CYP11B2: variants seen among roughly 807,000 people sequenced by gnomAD.
CYP11B2 encodes cytochrome P450 11B2, mitochondrial.
In CYP11B2, 38 loss-of-function variants were observed where a neutral mutation model predicts 49.3. The observed-to-expected ratio is 0.77, with a 90% confidence interval of 0.59 to 1.01. The LOEUF (loss-of-function observed/expected upper bound fraction) is 1.01. Among genes scored for constraint, CYP11B2 ranks in the 50% least tolerant of loss-of-function variants. The pLI, the probability that CYP11B2 is intolerant of heterozygous loss-of-function variation, is 0.00. For synonymous variants in CYP11B2, 290 were observed against 269.3 expected (o/e 1.08, Z -0.75); for missense variants, 669 against 655.5 (o/e 1.02, Z -0.23).
In CYP11B2 at chr8:142,917,799, G is replaced by A. The variant is rs1817676426; in HGVS notation, c.42C>T (p.Pro14=). 6.2e-7 allele frequency: 1 copy of A among 1,614,194 alleles called. No homozygotes were observed. The highest frequency in any genetic ancestry group is 2.2e-5 in the East Asian group (1 of 44,878). Residue 14 remains proline (P), a synonymous_variant, in exon 1 of 9, where the codon CCC becomes CCT. Transcript: ENST00000323110. ...CCCGTGCCCTTTGCAGGGACAGCCA[G>A]GGCGCTGCCACGCACACCTCTGCCT... ...RAKAEVCVAA[P]WLSLQRARAL...
At chr8:142,915,752 A>G (rs1461515309) in intron 2 of CYP11B2, among the ~76,000 whole-genome samples, 1 of 138,494 alleles carries the variant, frequency 7.2e-6, no homozygotes, top group Non-Finnish European at 1.7e-5. Flanking sequence ...TATCTTCTGC[A>G]GGACAGAAAC....
At chr8:142,912,365 A>C (rs1294347231) in intron 8 of CYP11B2, among the ~76,000 whole-genome samples, 165 bp downstream of exon 8, 1 of 151,846 alleles carries the variant, frequency 6.6e-6, no homozygotes, top group Non-Finnish European at 1.5e-5. Flanking sequence ...CCCAGATCCT[A>C]CCCTGTCTTG....
Position 142,914,235 on chromosome 8 carries a change from C to T in CYP11B2, c.954+29G>A, listed in dbSNP as rs192621134. 20 of 1,613,924 alleles carry T rather than the reference C, an allele frequency of 1.2e-5. 1 individual carries two copies. In the African/African-American group the frequency reaches 2.0e-4, roughly 16 times the overall value. On this transcript the variant is annotated intron_variant, in intron 5 of 8. Transcript: ENST00000323110. ...TGGGAGGCAGGCTTGGCATCACCCT[C>T]TCTGGGTGGGGCTGGTTGCTGGCCT... is the stretch of plus-strand genomic sequence containing the variant.
rs764792701 is a variant in CYP11B2, at chr8:142,912,665, C to A, written c.1263G>T (p.Glu421Asp). ...CTAGCCAGCGCTGGGGATTATACCG[C>A]TCAGGCCTCGGGAACAAGGCGGCAT... ...GRNAALFPRP[E>D]RYNPQRWLDI... is the part of the protein sequence containing the mutation. The change falls in exon 8 of 9, where the codon GAG (glutamate) becomes GAT (aspartate). Residue 421 changes from glutamate to aspartate, a missense_variant. Physicochemically the swap from Glu to Asp is conservative, Grantham distance 45 (BLOSUM62 2). Transcript: ENST00000323110. 8.1e-6 allele frequency: 13 copies of A among 1,614,086 alleles called. No homozygotes were observed. In the East Asian group the frequency reaches 1.1e-4, roughly 14 times the overall value.
At chr8:142,913,595 C>G in intron 5 of CYP11B2, 144 bp from the exon 6 acceptor site, 2 of 972,788 alleles carry the variant, frequency 2.1e-6, no homozygotes, top group Non-Finnish European at 3.2e-6. Context: ...GGATCTGAAA[C>G]CTTGATGACC....
In CYP11B2 at chr8:142,914,893, A is replaced by T. The variant is rs1817613384; in HGVS notation, c.611T>A (p.Leu204His). 1 of 1,613,820 alleles carries T rather than the reference A, an allele frequency of 6.2e-7. No individual in the cohort carries two copies. The highest frequency in any genetic ancestry group is 1.7e-5 in the Admixed American group (1 of 60,020). Residue 204 changes from leucine (L) to histidine (H), a missense_variant, in exon 4 of 9, where the codon CTT (leucine) becomes CAT (histidine). Transcript: ENST00000323110. Reference sequence around the variant, plus strand: ...AACCAGGCCCAGCCGCTCTCCAAAAAGAGCTAAGTTGCTGGCTGCGGGGAG... The same window carrying T: ...AACCAGGCCCAGCCGCTCTCCAAAATGAGCTAAGTTGCTGGCTGCGGGGAG... ...HYTIEASNLA[L>H]FGERLGLVGH...
rs761719100 is a variant in CYP11B2 at position 142,915,183 on chromosome 8, G to A, written c.458C>T (p.Ala153Val). 2.5e-6 allele frequency: 4 copies of A among 1,614,090 alleles called. No homozygotes were observed. The highest frequency in any genetic ancestry group is 3.4e-6 in the Non-Finnish European group (4 of 1,180,032). Residue 153 changes from alanine (A) to valine (V), a missense_variant, in exon 3 of 9, where the codon GCC (alanine) becomes GTC (valine). Transcript: ENST00000323110. The stretch of plus-strand genomic sequence containing the variant: ...CACCATCGGGAGGAACCTCTGCACG[G>A]CCTTGGGCGACAGCACATCTGGGTT... ...RLNPDVLSPK[A>V]VQRFLPMVDA...
rs759666789 is a variant in CYP11B2, at chr8:142,914,744, T to A, written c.760A>T (p.Lys254Ter). 1.9e-6 allele frequency: 3 copies of A among 1,613,138 alleles called. No individual in the cohort carries two copies. The highest frequency in any genetic ancestry group is 2.5e-6 in the Non-Finnish European group (3 of 1,179,802). Residue 254 changes from lysine (K) to a stop codon, truncating the protein, a stop_gained, in exon 4 of 9, where the codon AAG becomes TAG. Coordinates refer to ENST00000323110, the MANE Select transcript of CYP11B2 (RefSeq NM_000498.3). LOFTEE classifies it high-confidence loss of function. ...LSRWISPKVW[K>*]EHFEAWDCIF... ...CAGTCCCAGGCCTCAAAGTGCTCCT[T>A]CCACACCTTGGGGCTGATCCAGCGA...
chr8:142,913,510 A>G (rs1586574395), intron 5 of CYP11B2, 59 bp from the exon 6 acceptor site: 1 of 1,608,826 alleles, frequency 6.2e-7, no homozygotes. Flanking sequence ...CCCCCGGGAC[A>G]CCCCTCCCAG....
chr8:142,917,202 TC>T lies in CYP11B2; in HGVS notation c.251del (p.Gly84GlufsTer8). ...GCATCACACACACCATGCGTGGTCC[TC>T]CCAAGTTGTACCTGTGGGGCCAAGC... ...ELGPIFRYNL[G>X]GPRMVCVMLP... On this transcript the variant is annotated frameshift_variant, in exon 2 of 9. Transcript: ENST00000323110. LOFTEE classifies it high-confidence loss of function. The T allele has an allele frequency of 6.2e-7, 1 of 1,614,038 alleles. No individual in the cohort carries two copies. The highest frequency in any genetic ancestry group is 8.5e-7 in the Non-Finnish European group (1 of 1,180,014).
At chr8:142,912,218 A>G in intron 8 of CYP11B2, 125 bp from the exon 9 acceptor site, 2 of 1,515,114 alleles carry the variant, frequency 1.3e-6, no homozygotes, top group Non-Finnish European at 1.8e-6. Flanking sequence ...GCCCCAACCT[A>G]TCCCACTTCT....
At chr8:142,916,241 T>C (rs1205525819) in intron 2 of CYP11B2, among the ~76,000 whole-genome samples, 4 of 152,162 alleles carry the variant, frequency 2.6e-5, no homozygotes, top group Admixed American at 6.5e-5. Flanking sequence ...GTCCTGACTC[T>C]CTCCCAGATG....
Position 142,915,199 on chromosome 8 carries a change from C to A in CYP11B2, c.442G>T (p.Val148Leu). The A allele has an allele frequency of 6.2e-7, 1 of 1,614,200 alleles. No homozygotes were observed. Among genetic ancestry groups the A allele is most frequent in the South Asian group, 1.1e-5 (1 of 91,068 alleles). The change falls in exon 3 of 9, where the codon GTG becomes TTG. Residue 148 changes from valine (V) to leucine (L), a missense_variant. Coordinates refer to ENST00000323110, the MANE Select transcript of CYP11B2 (RefSeq NM_000498.3). ...RFNRLRLNPD[V>L]LSPKAVQRFL... ...CTCTGCACGGCCTTGGGCGACAGCA[C>A]ATCTGGGTTCAGCCGCAATCGGTTG...
At chr8:142,912,203 C>T (rs1359002880) in intron 8 of CYP11B2, 110 bp from the exon 9 acceptor site, 9 of 1,544,878 alleles carry the variant, frequency 5.8e-6, no homozygotes, top group Non-Finnish European at 7.9e-6. Context: ...GGAGCAGCAG[C>T]CTGGGCCCCA....
Position 142,917,646 on chromosome 8 carries a change from G to A in CYP11B2, c.195C>T (p.His65=), listed in dbSNP as rs1187623034. The A allele has an allele frequency of 3.1e-6, 5 of 1,614,248 alleles. No homozygotes were observed. Among genetic ancestry groups the A allele is most frequent in the African/African-American group, 2.7e-5 (2 of 75,072 alleles). ...IWREQGYEHL[H]LEMHQTFQEL... is the part of the protein sequence containing the mutation. ...CCTGGAAGGTCTGGTGCATCTCCAG[G>A]TGCAGGTGCTCATAACCCTGCTCCC... The change falls in exon 1 of 9, where the codon CAC becomes CAT. Residue 65 remains histidine, a synonymous_variant. Transcript: ENST00000323110.
At chr8:142,915,495 T>A (rs1268659176) in intron 2 of CYP11B2, among the ~76,000 whole-genome samples, 1 of 148,488 alleles carries the variant, frequency 6.7e-6, no homozygotes, top group Non-Finnish European at 1.5e-5. Context: ...ACAGGGTAAC[T>A]GAGGTCATTC....
In CYP11B2 at chr8:142,914,389, C is replaced by T. The variant is rs752071355; in HGVS notation, c.829G>A (p.Glu277Lys). 3 of 1,613,478 alleles carry T rather than the reference C, an allele frequency of 1.9e-6. No homozygotes were observed. The South Asian group carries it at 3.3e-5, about 18-fold the overall frequency. The part of the protein sequence containing the change: ...GDNCIQKIYQ[E>K]LAFNRPQHYT... ...TGTTGAGGGCGGTTGAAGGCCAGTT[C>T]CTGGTAGATTTTCTGGATACAGTTG... The change falls in exon 5 of 9, where the codon GAA (glutamate) becomes AAA (lysine). Residue 277 changes from glutamate to lysine, a missense_variant. Glu to Lys is a moderately conservative substitution (Grantham distance 56, BLOSUM62 1). Transcript: ENST00000323110.
At chr8:142,916,542 G>T in intron 2 of CYP11B2, 1 of 381,526 alleles carries the variant, frequency 2.6e-6, no homozygotes. Flanking sequence ...TGAGAACAAC[G>T]GAACCACCAG....
At chr8:142,912,166 C>T in intron 8 of CYP11B2, 73 bp from the exon 9 acceptor site, 6 of 1,605,612 alleles carry the variant, frequency 3.7e-6, no homozygotes, top group Non-Finnish European at 5.1e-6. Flanking sequence ...CTCCCATCGT[C>T]CCAGGTGCAA....
Sources: gnomAD v4.1 joint callset for allele counts (sites outside exome capture counted in the v4.1 genomes callset) on GRCh38, gnomAD v4.1.1 for gene constraint, MANE v1.5 for transcripts, NCBI Gene and HGNC (gene_info 2026-07-23, HGNC 2026-07-21) for gene names.